Variants in MIA2 observed in about 807,000 individuals in gnomAD.
MIA2 encodes the protein melanoma inhibitory activity protein 2.
A neutral mutation model predicts 167.8 loss-of-function variants in MIA2; 127 were observed. That is an observed-to-expected ratio of 0.76 (90% CI 0.66 to 0.88). The LOEUF is 0.88. MIA2 is among the 40% of genes least tolerant of loss of function. The pLI is 0.00. For missense variants in MIA2, 1,690 were observed against 1,624.7 expected (o/e 1.04, Z -0.69); for synonymous variants, 552 against 541.9 (o/e 1.02, Z -0.26).
chr14:39,371,637 T>A (rs755776908), intron 23 of MIA2, among the ~76,000 whole-genome samples: 2 of 152,250 alleles, frequency 1.3e-5, no homozygotes, highest in African/African-American at 4.8e-5. Flanking sequence ...AATGCTCTGA[T>A]AATTTTGTAT....
chr14:39,291,217 T>C, intron 10 of MIA2, 121 bp downstream of exon 10: 1 of 735,110 alleles, frequency 1.4e-6, no homozygotes. Flanking sequence ...CTCTGGATGT[T>C]AAAACTTAAA....
intron 18 of MIA2, among the ~76,000 whole-genome samples, chr14:39,312,425 G>A (rs1043079264): frequency 2.6e-5 from 4 of 152,242 alleles, no homozygotes; most frequent in Admixed American, 1.3e-4. Context: ...AATGTAGTGT[G>A]TAGAATACAA....
rs542726498 is a variant in MIA2, at chr14:39,258,621, C to T, written c.1887+5450C>T. ...ATCTCATTCTCTGTTCAGTTTTGTG[C>T]CCTTGCTGGAGAGGACTTGCAATCA... On this transcript the variant is annotated intron_variant, in intron 6 of 28. Coordinates refer to ENST00000640607, the MANE Select transcript of MIA2 (RefSeq NM_001329214.4). 2.0e-5 allele frequency among the ~76,000 whole-genome samples: 3 copies of T among 152,254 alleles called. No individual in the cohort carries two copies. The South Asian group carries it at 6.2e-4, about 32-fold the overall frequency.
At chr14:39,340,256 T>C (rs2071492483) in intron 25 of MIA2, among the ~76,000 whole-genome samples, 1 of 152,200 alleles carries the variant, frequency 6.6e-6, no homozygotes, top group Non-Finnish European at 1.5e-5. Context: ...ATTTGGATAA[T>C]ATATTTTATG....
intron 23 of MIA2, among the ~76,000 whole-genome samples, chr14:39,366,680 G>A (rs1170826285): frequency 1.3e-5 from 2 of 152,202 alleles, no homozygotes; most frequent in South Asian, 4.1e-4. Flanking sequence ...GTATGCATGG[G>A]TGCAGTTTGT....
chr14:39,301,753 T>A (rs1395919257), intron 14 of MIA2, among the ~76,000 whole-genome samples: 2 of 152,276 alleles, frequency 1.3e-5, no homozygotes, highest in East Asian at 3.8e-4. Flanking sequence ...GATCTTTTTA[T>A]ACATTATGTA....
In MIA2 at chr14:39,247,829, T is replaced by A. The variant is rs1188022371; in HGVS notation, c.1255T>A (p.Leu419Ile). The change falls in exon 4 of 29, where the codon TTA becomes ATA. Residue 419 changes from leucine to isoleucine, a missense_variant. Transcript: ENST00000640607. ...ACATGAACATCCTCTAACAAGTGAA[T>A]TAGACCCTGAAAAAGAACAAGAAAT... ...DEHEHPLTSE[L>I]DPEKEQEIET... The A allele has an allele frequency of 5.0e-6, 8 of 1,594,332 alleles. No homozygotes were observed. In the South Asian group the frequency reaches 8.1e-5, roughly 16 times the overall value.
At chr14:39,272,448 G>A (rs532548696) in intron 6 of MIA2, among the ~76,000 whole-genome samples, 1 of 152,308 alleles carries the variant, frequency 6.6e-6, no homozygotes, top group South Asian at 2.1e-4. Context: ...CAAACAAGAA[G>A]GCAAGTTCTC....
chr14:39,333,522 T>C (rs1307666917), intron 25 of MIA2, among the ~76,000 whole-genome samples: 6 of 152,192 alleles, frequency 3.9e-5, no homozygotes, highest in African/African-American at 1.4e-4. Flanking sequence ...TCCCATTGCC[T>C]CAGGCTTGGG....
chr14:39,279,250 T>C, intron 7 of MIA2, 87 bp from the exon 8 acceptor site: 1 of 1,115,422 alleles, frequency 9.0e-7, no homozygotes. Context: ...AAACCTGTAT[T>C]TCTAAGTTGG....
intron 9 of MIA2, among the ~76,000 whole-genome samples, chr14:39,283,056 A>G (rs576107521): frequency 2.6e-5 from 4 of 152,334 alleles, no homozygotes; most frequent in South Asian, 2.1e-4. Context: ...TCCATGTTGT[A>G]GCAAATGGCA....
chr14:39,361,769 A>G (rs1026277004), intron 23 of MIA2, among the ~76,000 whole-genome samples: 3 of 152,098 alleles, frequency 2.0e-5, no homozygotes, highest in African/African-American at 7.2e-5. Flanking sequence ...AGGAGTCATA[A>G]AAGTGTCTTG....
intron 22 of MIA2, 48 bp downstream of exon 22, chr14:39,318,059 G>A (rs533934540): frequency 1.3e-5 from 17 of 1,329,492 alleles, no homozygotes; most frequent in South Asian, 9.3e-5. Flanking sequence ...CTGTTATTTC[G>A]TTAATTAGGT....
chr14:39,318,073 A>G (rs2065815449), intron 22 of MIA2, 62 bp downstream of exon 22: 33 of 1,243,738 alleles, frequency 2.7e-5, no homozygotes, highest in Non-Finnish European at 3.3e-5. Flanking sequence ...ATTAGGTAAT[A>G]CTTTTATAAG....
chr14:39,267,320 G>T (rs2055982242), intron 6 of MIA2: 2 of 1,503,480 alleles, frequency 1.3e-6, no homozygotes, highest in Non-Finnish European at 1.8e-6. Context: ...AGCTCCCCCC[G>T]CAGCCGGCTC....
chr14:39,359,709 A>T (rs1010105593), intron 23 of MIA2, among the ~76,000 whole-genome samples: 6 of 151,632 alleles, frequency 4.0e-5, no homozygotes, highest in Non-Finnish European at 7.4e-5. Flanking sequence ...CCTATACCAC[A>T]TTTTCTTAAT....
chr14:39,240,393 A>G (rs1432259314), intron 2 of MIA2, among the ~76,000 whole-genome samples, 168 bp from the exon 3 acceptor site: 1 of 152,240 alleles, frequency 6.6e-6, no homozygotes, highest in African/African-American at 2.4e-5. Flanking sequence ...TCTTCTTTTG[A>G]ATAACAAAAG....
chr14:39,288,253 G>C (rs10150967), intron 9 of MIA2, among the ~76,000 whole-genome samples: 52,237 of 150,776 alleles, frequency 0.35, 10,767 homozygotes, highest in Non-Finnish European at 0.46. Context: ...CTTGAGCCCA[G>C]GAATTCAAGT....
chr14:39,264,938 T>C lies in MIA2; in HGVS notation c.1887+11767T>C, dbSNP rs192255453. Among the ~76,000 whole-genome samples the C allele has an allele frequency of 9.5e-4, 144 of 152,236 alleles. 2 individuals carry two copies. The highest frequency in any genetic ancestry group is 3.4e-3 in the African/African-American group (140 of 41,502). On this transcript the variant is annotated intron_variant, in intron 6 of 28. Coordinates refer to ENST00000640607, the MANE Select transcript of MIA2 (RefSeq NM_001329214.4). ...AACATCTGCTTTAAAACAGGTACTA[T>C]ATAAGACCAAAAAATTCCCATGTCT...
Sources: allele counts gnomAD v4.1 joint callset (sites outside exome capture counted in the v4.1 genomes callset), GRCh38; gene constraint gnomAD v4.1.1; transcripts MANE v1.5; gene names NCBI Gene and HGNC (gene_info 2026-07-23, HGNC 2026-07-21).